Variants in FAT4 observed in about 807,000 individuals in gnomAD.
FAT4 encodes FAT atypical cadherin 4.
In FAT4, 84 loss-of-function variants were observed where a neutral mutation model predicts 303.9. The ratio of observed to expected loss-of-function variants is 0.28; its 90% confidence interval spans 0.23 to 0.33. FAT4 has a LOEUF of 0.33. Among genes scored for constraint, FAT4 ranks in the 10% least tolerant of loss-of-function variants. The pLI is 1.00. For synonymous variants in FAT4, 2,307 were observed against 2,298.8 expected, an observed-to-expected ratio of 1.00 and a Z score of -0.10; for missense variants, 6,005 against 6,146.8, an observed-to-expected ratio of 0.98 and a Z score of 0.77.
At chr4:125,479,514 A>C (rs1490466562) in intron 14 of FAT4, among the ~76,000 whole-genome samples, 1 of 152,168 alleles carries the variant, frequency 6.6e-6, no homozygotes, top group African/African-American at 2.4e-5. Context: ...CAGCTTTCTC[A>C]TTATTATATA....
At chr4:125,409,308 G>A (rs910937317) in intron 5 of FAT4, among the ~76,000 whole-genome samples, 4 of 151,282 alleles carry the variant, frequency 2.6e-5, no homozygotes, top group Non-Finnish European at 5.9e-5. Flanking sequence ...CCAGGCTGGA[G>A]TGCAATGATG....
rs1578701029 is a variant in FAT4 at position 125,487,712 on chromosome 4, A to G, written c.13084+106A>G. The G allele has an allele frequency of 4.5e-6, 5 of 1,111,064 alleles. No individual in the cohort carries two copies. In the East Asian group the frequency reaches 1.3e-4, roughly 30 times the overall value. 68.8% of individuals were successfully genotyped at this position (1,111,064 alleles called of 1,614,324 possible). ...TACACATTTAACATGAATCTCATAT[A>G]CAGAACAATTTCATTCAATAAAATT... On this transcript the variant is annotated intron_variant, in intron 17 of 17. Transcript: ENST00000394329.
chr4:125,394,063 A>C, intron 2 of FAT4: 1 of 761,184 alleles, frequency 1.3e-6, no homozygotes, highest in East Asian at 2.5e-5. Context: ...ATGAAACCAC[A>C]CACATTTTTA....
chr4:125,343,233 T>A (rs1363164490), intron 2 of FAT4, among the ~76,000 whole-genome samples: 1 of 152,148 alleles, frequency 6.6e-6, no homozygotes, highest in African/African-American at 2.4e-5. Context: ...TTATTCTCCT[T>A]CAGACAGGGC....
chr4:125,420,912 A>G (rs780945909), intron 7 of FAT4, among the ~76,000 whole-genome samples: 2 of 152,136 alleles, frequency 1.3e-5, no homozygotes, highest in Non-Finnish European at 2.9e-5. Flanking sequence ...CAGAAACTAC[A>G]TGCTTCTGAA....
chr4:125,360,645 T>C (rs1337781840), intron 2 of FAT4, among the ~76,000 whole-genome samples: 1 of 152,132 alleles, frequency 6.6e-6, no homozygotes, highest in Admixed American at 6.6e-5. Context: ...AAAGCCATAA[T>C]TACAATAAAC....
At position 125,452,583 on chromosome 4, in the gene FAT4, G is replaced by A. The variant is rs1209241235; in HGVS notation, c.11573G>A (p.Gly3858Asp). 1.9e-6 allele frequency: 3 copies of A among 1,614,194 alleles called. No individual in the cohort carries two copies. The highest frequency in any genetic ancestry group is 1.7e-6 in the Non-Finnish European group (2 of 1,180,042). Residue 3858 changes from glycine to aspartate, a missense_variant, in exon 10 of 18, where the codon GGT becomes GAT. Coordinates refer to ENST00000394329, the MANE Select transcript of FAT4 (RefSeq NM_001291303.3). ...FLCKCLPGYA[G>D]SWCEIDIDEC... is the part of the protein sequence containing the mutation. ...TGCAAGTGTCTGCCAGGATATGCGG[G>A]TAGCTGGTGTGAAATAGATATAGAT...
intron 16 of FAT4, among the ~76,000 whole-genome samples, chr4:125,483,025 G>A (rs1231056776): frequency 1.3e-5 from 2 of 152,146 alleles, no homozygotes; most frequent in African/African-American, 2.4e-5. Flanking sequence ...AGCGGTAGAG[G>A]TCAAGAATGC....
At chr4:125,453,997 G>T (rs1726191956) in intron 10 of FAT4, among the ~76,000 whole-genome samples, 1 of 152,118 alleles carries the variant, frequency 6.6e-6, no homozygotes, top group Admixed American at 6.5e-5. Flanking sequence ...GTGAATAAAT[G>T]TTATGCTATT....
At chr4:125,330,108 G>A (rs1044858592) in intron 2 of FAT4, among the ~76,000 whole-genome samples, 3 of 151,960 alleles carry the variant, frequency 2.0e-5, no homozygotes, top group South Asian at 2.1e-4. Flanking sequence ...TTCTATTCTC[G>A]GAACTTGCTA....
Position 125,321,599 on chromosome 4 carries a change from T to C in FAT4, c.5175+13T>C. The C allele has an allele frequency of 6.4e-7, 1 of 1,562,610 alleles. No individual in the cohort carries two copies. Among genetic ancestry groups the C allele is most frequent in the Non-Finnish European group, 8.6e-7 (1 of 1,157,714 alleles). ...ACAGAGAGCAGAGGTAATGATTTTG[T>C]AGTCATTTATTATTTGTTGATTTGC... On this transcript the variant is annotated intron_variant, in intron 2 of 17. Transcript: ENST00000394329.
chr4:125,387,945 T>A (rs906793), intron 2 of FAT4, among the ~76,000 whole-genome samples: 1 of 152,282 alleles, frequency 6.6e-6, no homozygotes, highest in South Asian at 2.1e-4. Flanking sequence ...AAAAATTCAC[T>A]TTTATCCTCA....
chr4:125,321,179 T>C lies in FAT4; in HGVS notation c.4768T>C (p.Leu1590=), dbSNP rs1560757433. The change falls in exon 2 of 18, where the codon TTG becomes CTG. Residue 1590 remains leucine (L), a synonymous_variant. Transcript: ENST00000394329. ...TGGAGACCTGAGAGTGGCTTCAGCG[T>C]TGGTGCCTTCACAGTTGATCTACAA... The part of the protein sequence containing the change: ...YSGDLRVASA[L]VPSQLIYNLI... The C allele has an allele frequency of 6.2e-7, 1 of 1,614,174 alleles. No individual in the cohort carries two copies. The highest frequency in any genetic ancestry group is 8.5e-7 in the Non-Finnish European group (1 of 1,180,002).
At chr4:125,395,120 T>C (rs1299638332) in intron 2 of FAT4, among the ~76,000 whole-genome samples, 2 of 152,106 alleles carry the variant, frequency 1.3e-5, no homozygotes, top group East Asian at 3.8e-4. Context: ...GGATAACACT[T>C]ATCTATGCTA....
chr4:125,419,454 C>A (rs1277441078), intron 7 of FAT4, among the ~76,000 whole-genome samples: 4 of 152,168 alleles, frequency 2.6e-5, no homozygotes, highest in Non-Finnish European at 4.4e-5. Context: ...TCCAAAACGA[C>A]CTCCTTAGTC....
At chr4:125,371,390 A>C (rs1733107969) in intron 2 of FAT4, among the ~76,000 whole-genome samples, 1 of 151,876 alleles carries the variant, frequency 6.6e-6, no homozygotes, top group Non-Finnish European at 1.5e-5. Context: ...AAAAAGCAAC[A>C]GTGGATAAGT....
In FAT4 at chr4:125,316,556, T is replaced by A. The variant is rs1380655799; in HGVS notation, c.145T>A (p.Phe49Ile). 1.2e-6 allele frequency: 2 copies of A among 1,613,916 alleles called. No homozygotes were observed. The highest frequency in any genetic ancestry group is 3.3e-5 in the Admixed American group (2 of 59,998). The change falls in exon 2 of 18, where the codon TTC (phenylalanine) becomes ATC (isoleucine). Residue 49 changes from phenylalanine to isoleucine, a missense_variant. Coordinates refer to ENST00000394329, the MANE Select transcript of FAT4 (RefSeq NM_001291303.3). This position sits in a 1 kb window ranked among gnomAD's most constrained non-coding sequence, Gnocchi z 5.7. ...WVHGAEPRQV[F>I]QVLEEQPPGT... ...CCACGGGGCCGAGCCGCGCCAGGTGTTCCAAGTGCTGGAAGAGCAACCTCC... is the reference window on the plus strand; with the variant it reads ...CCACGGGGCCGAGCCGCGCCAGGTGATCCAAGTGCTGGAAGAGCAACCTCC...
Position 125,407,023 on chromosome 4 carries a change from T to G in FAT4, c.5451T>G (p.Asp1817Glu). 6.2e-7 allele frequency: 1 copy of G among 1,613,892 alleles called. No individual in the cohort carries two copies. The highest frequency in any genetic ancestry group is 8.5e-7 in the Non-Finnish European group (1 of 1,179,870). Residue 1817 changes from aspartate (D) to glutamate (E), a missense_variant, in exon 4 of 18, where the codon GAT becomes GAG. By Grantham distance (45) the Asp-to-Glu change is conservative (BLOSUM62 2). Transcript: ENST00000394329. The stretch of plus-strand genomic sequence containing the variant: ...AATATTCACTGCTAGTTCGTGCTGA[T>G]GATGGTCTTCAGTCCTCGGATATGA... ...RSKYSLLVRADDGLQSSDMRI... is the reference protein window; with the variant it reads ...RSKYSLLVRAEDGLQSSDMRI...
Position 125,452,693 on chromosome 4 carries a change from A to T in FAT4, c.11683A>T (p.Thr3895Ser). Reference sequence around the variant, plus strand: ...TTCATGCAGCTGCCCAGATGGCTTCACTGGTAGGGCGTGTGAGAGAGATAT... The same window carrying T: ...TTCATGCAGCTGCCCAGATGGCTTCTCTGGTAGGGCGTGTGAGAGAGATAT... ...GFSCSCPDGF[T>S]GRACERDINE... is the part of the protein sequence containing the mutation. Residue 3895 changes from threonine to serine, a missense_variant, in exon 10 of 18, where the codon ACT becomes TCT. Transcript: ENST00000394329. The T allele has an allele frequency of 1.9e-6, 3 of 1,614,126 alleles. No individual in the cohort carries two copies. The highest frequency in any genetic ancestry group is 2.5e-6 in the Non-Finnish European group (3 of 1,180,016).
Sources: gnomAD v4.1 joint callset for allele counts (sites outside exome capture counted in the v4.1 genomes callset) on GRCh38, gnomAD v4.1.1 for gene constraint, Gnocchi (gnomAD v3.1) non-coding constraint, MANE v1.5 for transcripts, NCBI Gene and HGNC (gene_info 2026-07-23, HGNC 2026-07-21) for gene names.